The following RIPK4 variants were observed in gnomAD, a reference collection of about 807,000 sequenced individuals.
RIPK4 encodes the protein receptor interacting serine/threonine kinase 4.
RIPK4 carries 17 observed loss-of-function variants against 42.9 expected under a neutral mutation model. The observed-to-expected ratio is 0.40, with a 90% confidence interval of 0.27 to 0.59. The LOEUF (loss-of-function observed/expected upper bound fraction) is 0.59. RIPK4 is among the 20% of genes least tolerant of loss of function. The pLI is 0.47. For missense variants in RIPK4, 897 were observed against 1,104.4 expected (o/e 0.81, Z 2.66); for synonymous variants, 498 against 499.1 (o/e 1.00, Z 0.03).
intron 1 of RIPK4, among the ~76,000 whole-genome samples, chr21:41,758,598 A>G (rs73371617): frequency 0.02 from 3,060 of 152,294 alleles, 80 homozygotes; most frequent in African/African-American, 0.069. Context: ...GTCACAGTCT[A>G]TGTGTCACAT....
chr21:41,747,186 C>T (rs2061174530), intron 4 of RIPK4, among the ~76,000 whole-genome samples: 1 of 152,248 alleles, frequency 6.6e-6, no homozygotes, highest in South Asian at 2.1e-4. Context: ...CCTACATCCA[C>T]AGAGACCCAA....
chr21:41,748,524 G>A (rs140718065), intron 4 of RIPK4, among the ~76,000 whole-genome samples: 8 of 152,350 alleles, frequency 5.3e-5, no homozygotes, highest in African/African-American at 1.2e-4. Flanking sequence ...AGCTGGGCAG[G>A]GGTGCCACTC....
At chr21:41,766,644 G>A (rs952273651) in intron 1 of RIPK4, among the ~76,000 whole-genome samples, 1 of 152,106 alleles carries the variant, frequency 6.6e-6, no homozygotes, top group Admixed American at 6.5e-5. Flanking sequence ...GTGCGCGATC[G>A]AGCCCGGGCT....
chr21:41,742,139 G>A lies in RIPK4; in HGVS notation c.1196-142C>T, dbSNP rs116060653. 651 of 762,178 alleles carry A rather than the reference G, an allele frequency of 8.5e-4. 2 individuals are homozygous for A. The Middle Eastern group carries it at 0.011, about 13-fold the overall frequency. 47.2% of individuals were successfully genotyped at this position (762,178 alleles called of 1,614,324 possible). On this transcript the variant is annotated intron_variant, in intron 7 of 7. Coordinates refer to ENST00000332512, the MANE Select transcript of RIPK4 (RefSeq NM_020639.3). The surrounding 1 kb of genome is among the most constrained non-coding windows in gnomAD (Gnocchi z 5.1). ...GCTGGTCACCCGACTGTGTTTGAGC[G>A]TTGTCTGTGCCTCGTGATTAAGGTC...
Position 41,741,430 on chromosome 21 carries a change from A to G in RIPK4, c.1763T>C (p.Leu588Pro). Residue 588 changes from leucine to proline, a missense_variant, in exon 8 of 8, where the codon CTG becomes CCG. Transcript: ENST00000332512. Reference protein sequence around the residue: ...AWQGHLPIVKLLAKQPGVSVN... With the variant: ...AWQGHLPIVKPLAKQPGVSVN... ...ACTCACCCCCGGCTGCTTGGCCAGC[A>G]GCTTGACGATGGGCAGGTGGCCCTG... 1.2e-6 allele frequency: 2 copies of G among 1,612,908 alleles called. No individual in the cohort carries two copies. The highest frequency in any genetic ancestry group is 1.7e-6 in the Non-Finnish European group (2 of 1,179,946).
At chr21:41,745,719 G>T in intron 6 of RIPK4, 40 bp downstream of exon 6, 1 of 1,487,246 alleles carries the variant, frequency 6.7e-7, no homozygotes, top group Non-Finnish European at 9.4e-7. Flanking sequence ...CTGCCTGGAA[G>T]CCGAGGAGAC....
chr21:41,743,879 C>T lies in RIPK4; in HGVS notation c.1195+3G>A, dbSNP rs202013087. On this transcript the variant is annotated splice_donor_region_variant and intron_variant, in intron 7 of 7. Transcript: ENST00000332512. ...CTCGGGACACAGAGGCGTCCCCACT[C>T]ACCGCTGGTTGAAGGTTCCCGCTCA... 2.5e-6 allele frequency: 4 copies of T among 1,590,808 alleles called. No homozygotes were observed. In the East Asian group the frequency reaches 6.7e-5, roughly 27 times the overall value.
At chr21:41,758,001 A>C (rs925722118) in intron 1 of RIPK4, among the ~76,000 whole-genome samples, 1 of 40,902 alleles carries the variant, frequency 2.4e-5, no homozygotes, top group Non-Finnish European at 5.2e-5. Context: ...TCCATAACAA[A>C]AAAAAAAAAA....
intron 1 of RIPK4, among the ~76,000 whole-genome samples, chr21:41,762,891 G>A (rs747541261): frequency 2.6e-5 from 4 of 152,144 alleles, no homozygotes; most frequent in African/African-American, 4.8e-5. Context: ...TCTCCAAATC[G>A]CATTTCTTAC....
rs573693593 is a variant in RIPK4 at position 41,740,640 on chromosome 21, T to C, written c.*198A>G. 4 of 592,428 alleles carry C rather than the reference T, an allele frequency of 6.8e-6. No homozygotes were observed. The highest frequency in any genetic ancestry group is 1.2e-5 in the Non-Finnish European group (4 of 338,480). 36.7% of individuals were successfully genotyped at this position (592,428 alleles called of 1,614,324 possible). ...GCCTAGATCGATGATGGAGCGGGCATGTGCACCTGAGCCAGCTTCACCTGG... is the reference window on the plus strand; with the variant it reads ...GCCTAGATCGATGATGGAGCGGGCACGTGCACCTGAGCCAGCTTCACCTGG... On this transcript the variant is annotated 3_prime_UTR_variant, in exon 8 of 8. Coordinates refer to ENST00000332512, the MANE Select transcript of RIPK4 (RefSeq NM_020639.3).
In RIPK4 at chr21:41,756,723, G is replaced by A. The variant is rs558806428; in HGVS notation, c.276C>T (p.Val92=). The A allele has an allele frequency of 6.3e-5, 101 of 1,614,210 alleles. No individual in the cohort carries two copies. The highest frequency in any genetic ancestry group is 9.3e-5 in the African/African-American group (7 of 75,060). The change falls in exon 2 of 8, where the codon GTC becomes GTT. Residue 92 remains valine, a synonymous_variant. Transcript: ENST00000332512. ...TCTCCATGTACTCCATGACCAGGCC[G>A]ACAGGTTCGCGGCAGATGCCATACA... ...LPVYGICREP[V]GLVMEYMETG...
Position 41,742,836 on chromosome 21 carries a change from T to C in RIPK4, c.1196-839A>G, listed in dbSNP as rs2061158821. ...CAGAGTATTAGACCCAAAGAGAATG[T>C]TCTAGAACGTACTTATCCATGGGAG... is the stretch of plus-strand genomic sequence containing the variant. On this transcript the variant is annotated intron_variant, in intron 7 of 7. Coordinates refer to ENST00000332512, the MANE Select transcript of RIPK4 (RefSeq NM_020639.3). This position sits in a 1 kb window ranked among gnomAD's most constrained non-coding sequence, Gnocchi z 5.1. Among the ~76,000 whole-genome samples the C allele has an allele frequency of 6.6e-6, 1 of 152,082 alleles. No homozygotes were observed. Among genetic ancestry groups the C allele is most frequent in the Non-Finnish European group, 1.5e-5 (1 of 68,000 alleles).
At chr21:41,764,265 G>T (rs1277491391) in intron 1 of RIPK4, among the ~76,000 whole-genome samples, 1 of 152,216 alleles carries the variant, frequency 6.6e-6, no homozygotes, top group Non-Finnish European at 1.5e-5. Context: ...CCGGCTGAAG[G>T]CCTGGCCCAG....
chr21:41,758,021 A>AAAAAAATAT (rs1555910478), intron 1 of RIPK4, among the ~76,000 whole-genome samples: 5 of 51,364 alleles, frequency 9.7e-5, no homozygotes, highest in African/African-American at 2.3e-4. Flanking sequence ...AAAAAAAAAA[A>AAAAAAATAT]ATATATATAT....
chr21:41,741,612 G>C lies in RIPK4; in HGVS notation c.1581C>G (p.Asn527Lys), dbSNP rs143300354. Reference protein sequence around the residue: ...ESSTRLLLEKNASVNEVDFEG... With the variant: ...ESSTRLLLEKKASVNEVDFEG... The stretch of plus-strand genomic sequence containing the variant: ...CAAAGTCCACCTCGTTGACCGAGGC[G>C]TTCTTCTCCAACAGCAGCCGTGTGC... Residue 527 changes from asparagine to lysine, a missense_variant, in exon 8 of 8, where the codon AAC becomes AAG. Asn to Lys is a moderately conservative substitution (Grantham distance 94). Coordinates refer to ENST00000332512, the MANE Select transcript of RIPK4 (RefSeq NM_020639.3). The C allele has an allele frequency of 6.2e-7, 1 of 1,612,746 alleles. No homozygotes were observed. Among genetic ancestry groups the C allele is most frequent in the African/African-American group, 1.3e-5 (1 of 75,074 alleles).
intron 1 of RIPK4, among the ~76,000 whole-genome samples, chr21:41,762,314 G>T (rs2061223013): frequency 6.6e-6 from 1 of 152,358 alleles, no homozygotes; most frequent in Admixed American, 6.5e-5. Context: ...CTGAGGCCCA[G>T]GAGTGGGGGT....
rs2061201536 is a variant in RIPK4, at chr21:41,755,768, G to A, written c.474+757C>T. Among the ~76,000 whole-genome samples, 1 of 152,178 alleles carries A rather than the reference G, an allele frequency of 6.6e-6. No individual in the cohort carries two copies. Among genetic ancestry groups the A allele is most frequent in the Non-Finnish European group, 1.5e-5 (1 of 68,038 alleles). On this transcript the variant is annotated intron_variant, in intron 2 of 7. Transcript: ENST00000332512. The surrounding 1 kb of genome is among the most constrained non-coding windows in gnomAD (Gnocchi z 4.2). Reference sequence around the variant, plus strand: ...GGGGAAAAACTACAACGCGCCAGGTGTAACCACCACATGTCAACGACAGTA... The same window carrying A: ...GGGGAAAAACTACAACGCGCCAGGTATAACCACCACATGTCAACGACAGTA...
At chr21:41,757,345 A>AC (rs2061206733) in intron 1 of RIPK4, among the ~76,000 whole-genome samples, 1 of 151,858 alleles carries the variant, frequency 6.6e-6, no homozygotes, top group South Asian at 2.1e-4. Context: ...ACATAGTGGA[A>AC]CCCCCGTCTC....
chr21:41,747,594 G>A lies in RIPK4; in HGVS notation c.674-823C>T, dbSNP rs530927840. ...CCTCAGCAGGTGTGGAAAATCAGCC[G>A]AGAATCACCCACGGCTGCCAGGATT... is the stretch of plus-strand genomic sequence containing the variant. On this transcript the variant is annotated intron_variant, in intron 4 of 7. Transcript: ENST00000332512. 4.6e-5 allele frequency among the ~76,000 whole-genome samples: 7 copies of A among 152,280 alleles called. No individual in the cohort carries two copies. In the East Asian group the frequency reaches 7.7e-4, roughly 17 times the overall value.
Sources: allele counts gnomAD v4.1 joint callset (sites outside exome capture counted in the v4.1 genomes callset), GRCh38; gene constraint gnomAD v4.1.1; non-coding constraint Gnocchi (gnomAD v3.1); transcripts MANE v1.5; gene names NCBI Gene and HGNC (gene_info 2026-07-23, HGNC 2026-07-21).